KTN1: variants seen among roughly 807,000 people sequenced by gnomAD.
KTN1 encodes kinectin.
A neutral mutation model predicts 222.5 loss-of-function variants in KTN1; 130 were observed. The observed-to-expected ratio is 0.58, with a 90% CI of 0.51 to 0.68. The LOEUF (loss-of-function observed/expected upper bound fraction) is 0.68. Among genes scored for constraint, KTN1 ranks in the 30% least tolerant of loss-of-function variants. The probability of loss-of-function intolerance (pLI) is 0.00; values close to 1 mark genes in which losing one functional copy is unlikely to be tolerated. For missense variants in KTN1, 1,508 were observed against 1,500.4 expected (o/e 1.01, Z -0.08); for synonymous variants, 512 against 496.3 (o/e 1.03, Z -0.42).
chr14:55,675,521 T>G (rs2045818996), intron 40 of KTN1: 2 of 204,082 alleles, frequency 9.8e-6, no homozygotes, highest in South Asian at 2.8e-4. Context: ...GCTTTTAATT[T>G]GAAATAATTT....
At chr14:55,606,303 C>T (rs2036715463) in intron 1 of KTN1, among the ~76,000 whole-genome samples, 1 of 151,874 alleles carries the variant, frequency 6.6e-6, no homozygotes, top group Non-Finnish European at 1.5e-5. Context: ...ATTATGCATT[C>T]CTGTGTTGAA....
At chr14:55,678,272 A>T (rs2046055168) in intron 41 of KTN1, 80 bp from the exon 42 acceptor site, 2 of 904,384 alleles carry the variant, frequency 2.2e-6, no homozygotes, top group Admixed American at 2.1e-5. Flanking sequence ...TTTATCTTCT[A>T]CAAAATGAAT....
At chr14:55,590,829 C>A (rs1248990463) in intron 1 of KTN1, among the ~76,000 whole-genome samples, 3 of 152,114 alleles carry the variant, frequency 2.0e-5, no homozygotes, top group African/African-American at 7.2e-5. Flanking sequence ...GCATGCACCA[C>A]CACGTCCAGC....
chr14:55,621,938 T>C (rs1339796652), intron 5 of KTN1, among the ~76,000 whole-genome samples: 1 of 149,088 alleles, frequency 6.7e-6, no homozygotes, highest in African/African-American at 2.5e-5. Context: ...AACCTCTGCC[T>C]CCTGGGTTGA....
In KTN1 at chr14:55,647,063, A is replaced by G. The variant is rs1265064050; in HGVS notation, c.2207+56A>G. On this transcript the variant is annotated intron_variant, in intron 19 of 43. Transcript: ENST00000395314. ...ATGAGTTACTTCTACCAAATTAACT[A>G]CATTAATTAGAGTTTTAAAATTCTC... is the stretch of plus-strand genomic sequence containing the variant. 3 of 1,030,042 alleles carry G rather than the reference A, an allele frequency of 2.9e-6. No homozygotes were observed. In the African/African-American group the frequency reaches 4.8e-5, roughly 17 times the overall value. 63.8% of individuals were successfully genotyped at this position (1,030,042 alleles called of 1,614,324 possible). A position where few individuals can be genotyped will look rare whatever the true frequency, so the allele number is the denominator to read the frequency against.
chr14:55,626,821 T>C (rs980674671), intron 5 of KTN1, among the ~76,000 whole-genome samples: 1 of 152,184 alleles, frequency 6.6e-6, no homozygotes, highest in East Asian at 1.9e-4. Context: ...AGTTGCTCCC[T>C]TTGAGTGATG....
rs71448461 is a variant in KTN1, at chr14:55,631,341, G to GAGATAGATATATATATAT, written c.1221+1245_1221+1246insGATAGATATATATATATA. On this transcript the variant is annotated intron_variant, in intron 7 of 43. Transcript: ENST00000395314. ...CTAAAACTCACCTATTGATAAGGTT[G>GAGATAGATATATATATAT]ATATATATATATATATATATATATA... Among the ~76,000 whole-genome samples the GAGATAGATATATATATAT allele has an allele frequency of 2.7e-3, 307 of 114,666 alleles. 6 individuals are homozygous for GAGATAGATATATATATAT. The highest frequency in any genetic ancestry group is 7.2e-3 in the South Asian group (25 of 3,494). The allele number at this position is 114,666 out of a possible 152,430, so 75.2% of individuals were successfully genotyped here.
intron 1 of KTN1, among the ~76,000 whole-genome samples, chr14:55,604,914 T>C (rs1257877541): frequency 1.3e-5 from 2 of 152,340 alleles, no homozygotes; most frequent in African/African-American, 2.4e-5. Context: ...TTGCCTGATT[T>C]AGAATCCATA....
At chr14:55,629,629 T>G (rs974825941) in intron 6 of KTN1, among the ~76,000 whole-genome samples, 3 of 152,134 alleles carry the variant, frequency 2.0e-5, no homozygotes, top group African/African-American at 7.2e-5. Context: ...CTGTTGTGCT[T>G]TAAAATGTTC....
rs780829761 is a variant in KTN1, at chr14:55,618,018, A to G, written c.716A>G (p.Asn239Ser). 1.9e-6 allele frequency: 3 copies of G among 1,612,496 alleles called. No homozygotes were observed. The highest frequency in any genetic ancestry group is 1.7e-5 in the Admixed American group (1 of 59,952). ...HATTYIPLMD[N>S]ADSSPVVDKR... Reference sequence around the variant, plus strand: ...ACTACTTATATTCCTTTGATGGATAATGCTGACTCAAGTCCTGTGGTAGAT... The same window carrying G: ...ACTACTTATATTCCTTTGATGGATAGTGCTGACTCAAGTCCTGTGGTAGAT... Residue 239 changes from asparagine (N) to serine (S), a missense_variant, in exon 4 of 44, where the codon AAT (asparagine) becomes AGT (serine). Transcript: ENST00000395314.
At chr14:55,671,744 A>G (rs924731781) in intron 36 of KTN1, 41 bp from the exon 37 acceptor site, 1 of 1,545,486 alleles carries the variant, frequency 6.5e-7, no homozygotes, top group African/African-American at 1.4e-5. Flanking sequence ...TCTTGGCATT[A>G]GAACATGAAT....
chr14:55,653,697 T>G, intron 28 of KTN1, 101 bp downstream of exon 28: 2 of 809,504 alleles, frequency 2.5e-6, no homozygotes, highest in Non-Finnish European at 4.1e-6. Context: ...CATCATTAAC[T>G]TTATTGTTAA....
rs1245106229 is a variant in KTN1, at chr14:55,671,168, A to G, written c.3348+359A>G. On this transcript the variant is annotated intron_variant, in intron 35 of 43. Coordinates refer to ENST00000395314, the MANE Select transcript of KTN1 (RefSeq NM_001079521.2). ...CATCCCCAAATACGTCATTAGAGGT[A>G]TTTAGAAACTGGATTGGTTTTTATC... is the stretch of plus-strand genomic sequence containing the variant. 2.1e-5 allele frequency: 5 copies of G among 237,320 alleles called. No individual in the cohort carries two copies. The Admixed American group carries it at 2.1e-4, about 10-fold the overall frequency. 14.7% of individuals were successfully genotyped at this position (237,320 alleles called of 1,614,324 possible).
chr14:55,658,638 C>T (rs1483895250), intron 30 of KTN1, 24 bp downstream of exon 30: 30 of 1,507,584 alleles, frequency 2.0e-5, no homozygotes, highest in Non-Finnish European at 2.7e-5. Flanking sequence ...GATGTCTTGC[C>T]TTTCACTTAC....
chr14:55,619,396 A>G lies in KTN1; in HGVS notation c.963+84A>G. 3.3e-6 allele frequency: 4 copies of G among 1,223,902 alleles called. No individual in the cohort carries two copies. In the East Asian group the frequency reaches 7.0e-5, roughly 21 times the overall value. The allele number at this position is 1,223,902 out of a possible 1,614,324, so 75.8% of individuals were successfully genotyped here. On this transcript the variant is annotated intron_variant, in intron 5 of 43. Transcript: ENST00000395314. ...CAAGACTTTAGCCAGAGCAATTAAT[A>G]TCTACTCCCATCCTTAACATCTCAG... is the stretch of plus-strand genomic sequence containing the variant.
At chr14:55,627,877 C>T (rs559052023) in intron 5 of KTN1, 35 bp from the exon 6 acceptor site, 3 of 1,197,006 alleles carry the variant, frequency 2.5e-6, no homozygotes, top group Admixed American at 1.7e-5. Flanking sequence ...CCCATGGTAA[C>T]TATTACTAAT....
intron 18 of KTN1, among the ~76,000 whole-genome samples, chr14:55,645,934 A>C (rs1367112759): frequency 6.6e-6 from 1 of 152,172 alleles, no homozygotes; most frequent in Non-Finnish European, 1.5e-5. Flanking sequence ...TGGGAAAAAC[A>C]AAAAAATGGG....
At chr14:55,629,274 C>A (rs576688693) in intron 6 of KTN1, among the ~76,000 whole-genome samples, 133 of 151,964 alleles carry the variant, frequency 8.8e-4, no homozygotes, top group Admixed American at 2.2e-3. Context: ...AAAAATTAGC[C>A]GGGCATGGTG....
chr14:55,583,784 G>A lies in KTN1; in HGVS notation c.-31+3430G>A, dbSNP rs145346333. ...TGCTGTTAGGCCTATCCACTTGGAT[G>A]TGCAGTAGTCAACTCCAACTAAATT... On this transcript the variant is annotated intron_variant, in intron 1 of 43. Transcript: ENST00000395314. Among the ~76,000 whole-genome samples the A allele has an allele frequency of 1.7e-3, 254 of 152,296 alleles. 3 individuals are homozygous for A. In the Middle Eastern group the frequency reaches 0.027, roughly 16 times the overall value.
Sources: allele counts gnomAD v4.1 joint callset (sites outside exome capture counted in the v4.1 genomes callset), GRCh38; gene constraint gnomAD v4.1.1; transcripts MANE v1.5; gene names NCBI Gene and HGNC (gene_info 2026-07-23, HGNC 2026-07-21).